NT5C1A: variants seen among roughly 807,000 people sequenced by gnomAD.
NT5C1A encodes cytosolic 5'-nucleotidase 1A.
NT5C1A carries 18 observed loss-of-function variants against 31.0 expected under a neutral mutation model. The observed-to-expected ratio is 0.58, with a 90% CI of 0.40 to 0.86. NT5C1A has a LOEUF of 0.86. Ranked by LOEUF, NT5C1A falls within the 40% of genes least tolerant of loss-of-function variation. The probability of loss-of-function intolerance (pLI) is 0.00; values close to 1 mark genes in which losing one functional copy is unlikely to be tolerated. For synonymous variants in NT5C1A, 185 were observed against 203.6 expected, an observed-to-expected ratio of 0.91 and a Z score of 0.78; for missense variants, 470 against 505.4, an observed-to-expected ratio of 0.93 and a Z score of 0.67.
chr1:39,667,607 A>C (rs531162680), intron 1 of NT5C1A, among the ~76,000 whole-genome samples: 127 of 152,300 alleles, frequency 8.3e-4, no homozygotes, highest in African/African-American at 3.0e-3. Flanking sequence ...TCCTGGGGTC[A>C]GTCCTGGGCT....
Position 39,655,669 on chromosome 1 carries a change from GAC to G in NT5C1A, c.*3450_*3451del, listed in dbSNP as rs1437971864. Among the ~76,000 whole-genome samples, 1 of 151,980 alleles carries G rather than the reference GAC, an allele frequency of 6.6e-6. No individual in the cohort carries two copies. Among genetic ancestry groups the G allele is most frequent in the Non-Finnish European group, 1.5e-5 (1 of 68,006 alleles). On this transcript the variant is annotated 3_prime_UTR_variant, in exon 6 of 6. Coordinates refer to ENST00000235628, the MANE Select transcript of NT5C1A (RefSeq NM_032526.3). ...GCCACTTACTAGCTCTATGGCTTTGGACAAGTTACTTTGCCTCCCTAAACCAG... is the reference window on the plus strand; with the variant it reads ...GCCACTTACTAGCTCTATGGCTTTGGAAGTTACTTTGCCTCCCTAAACCAG...
At chr1:39,667,514 T>A (rs541234524) in intron 1 of NT5C1A, among the ~76,000 whole-genome samples, 2 of 152,190 alleles carry the variant, frequency 1.3e-5, no homozygotes, top group South Asian at 2.1e-4. Flanking sequence ...GGGGCTCAAA[T>A]TGAGGTCAAG....
chr1:39,666,667 C>A (rs1282765354), intron 1 of NT5C1A, among the ~76,000 whole-genome samples: 1 of 152,134 alleles, frequency 6.6e-6, no homozygotes, highest in Non-Finnish European at 1.5e-5. Context: ...AATGTATCTG[C>A]AACCCAGATC....
chr1:39,663,729 G>A (rs1180271), intron 3 of NT5C1A, among the ~76,000 whole-genome samples: 2,207 of 151,888 alleles, frequency 0.015, 67 homozygotes, highest in African/African-American at 0.05. Flanking sequence ...TAGCTGATTG[G>A]ATAAGAGCAG....
chr1:39,660,467 C>G (rs886079584), intron 5 of NT5C1A, among the ~76,000 whole-genome samples: 1 of 152,130 alleles, frequency 6.6e-6, no homozygotes, highest in Non-Finnish European at 1.5e-5. Context: ...GGTCCCTGTG[C>G]CCCCAGCCAA....
At position 39,659,073 on chromosome 1, in the gene NT5C1A, A is replaced by G. The variant is rs762481397; in HGVS notation, c.*48T>C. ...GATCTACCAGAGGAGGTGTCGAAGTATGTCAGGGAGCCTGGAGCAATGTGG... is the reference window on the plus strand; with the variant it reads ...GATCTACCAGAGGAGGTGTCGAAGTGTGTCAGGGAGCCTGGAGCAATGTGG... On this transcript the variant is annotated 3_prime_UTR_variant, in exon 6 of 6. Coordinates refer to ENST00000235628, the MANE Select transcript of NT5C1A (RefSeq NM_032526.3). 1 of 1,534,120 alleles carries G rather than the reference A, an allele frequency of 6.5e-7. No homozygotes were observed. Among genetic ancestry groups the G allele is most frequent in the Non-Finnish European group, 8.8e-7 (1 of 1,141,602 alleles).
Position 39,671,886 on chromosome 1 carries a change from C to A in NT5C1A, c.135+18G>T. 2 of 1,612,832 alleles carry A rather than the reference C, an allele frequency of 1.2e-6. No homozygotes were observed. The highest frequency in any genetic ancestry group is 1.7e-6 in the Non-Finnish European group (2 of 1,179,640). On this transcript the variant is annotated intron_variant, in intron 1 of 5. Coordinates refer to ENST00000235628, the MANE Select transcript of NT5C1A (RefSeq NM_032526.3). ...TAACCCTTCCCCCGTCCCCCGCATA[C>A]CCGTGCATTGCTTTTACCGATTTGG...
chr1:39,661,022 G>A lies in NT5C1A; in HGVS notation c.741+57C>T, dbSNP rs570063827. 2.6e-4 allele frequency: 276 copies of A among 1,046,914 alleles called. 2 individuals are homozygous for A. The highest frequency in any genetic ancestry group is 3.9e-4 in the Non-Finnish European group (269 of 695,356). 64.9% of individuals were successfully genotyped at this position (1,046,914 alleles called of 1,614,324 possible). A position where few individuals can be genotyped will look rare whatever the true frequency, so the allele number is the denominator to read the frequency against. On this transcript the variant is annotated intron_variant, in intron 5 of 5. Coordinates refer to ENST00000235628, the MANE Select transcript of NT5C1A (RefSeq NM_032526.3). ...TTCCAGGCTGGGAGTGCAGGCCAAGGGCAGGTCTGGGGAGCTGCCTTGTTC... is the reference window on the plus strand; with the variant it reads ...TTCCAGGCTGGGAGTGCAGGCCAAGAGCAGGTCTGGGGAGCTGCCTTGTTC...
chr1:39,666,301 T>A, intron 1 of NT5C1A, 65 bp from the exon 2 acceptor site: 1 of 1,510,522 alleles, frequency 6.6e-7, no homozygotes, highest in Non-Finnish European at 9.1e-7. Flanking sequence ...CTCACATGTG[T>A]GAGTCTCCCT....
chr1:39,659,596 C>T (rs981151646), intron 5 of NT5C1A, 110 bp from the exon 6 acceptor site: 10 of 1,368,424 alleles, frequency 7.3e-6, no homozygotes, highest in Non-Finnish European at 9.9e-6. Flanking sequence ...TTCAGGATCC[C>T]TAAATCTTTC....
intron 3 of NT5C1A, among the ~76,000 whole-genome samples, chr1:39,665,006 A>G (rs570452653): frequency 6.6e-6 from 1 of 152,308 alleles, no homozygotes; most frequent in African/African-American, 2.4e-5. Flanking sequence ...CCTGTAACCT[A>G]ATAAAAAATT....
chr1:39,667,232 A>C (rs1570461892), intron 1 of NT5C1A, among the ~76,000 whole-genome samples: 15 of 111,250 alleles, frequency 1.3e-4, no homozygotes, highest in Middle Eastern at 6.2e-3. Context: ...ATGGAGTTTC[A>C]CTCTTGTTGC....
rs1646439138 is a variant in NT5C1A, at chr1:39,652,834, C to T, written c.*6287G>A. On this transcript the variant is annotated 3_prime_UTR_variant, in exon 6 of 6. Transcript: ENST00000235628. ...TTCCCAATTAAGGTCAATGGTAAGT[C>T]ACTTCTGGGCCACATTAGAACACTC... Among the ~76,000 whole-genome samples the T allele has an allele frequency of 6.6e-6, 1 of 151,922 alleles. No individual in the cohort carries two copies. Among genetic ancestry groups the T allele is most frequent in the South Asian group, 2.1e-4 (1 of 4,810 alleles).
chr1:39,671,359 CAG>C (rs1646550574), intron 1 of NT5C1A, among the ~76,000 whole-genome samples: 1 of 152,208 alleles, frequency 6.6e-6, no homozygotes, highest in Admixed American at 6.5e-5. Context: ...CCCCCCAGCG[CAG>C]AGTGTGGATC....
intron 4 of NT5C1A, 116 bp downstream of exon 4, chr1:39,663,196 G>T (rs942348435): frequency 1.0e-4 from 116 of 1,140,248 alleles, no homozygotes; most frequent in Admixed American, 1.1e-4. Flanking sequence ...GCTCAGCCTT[G>T]CCTTCTAGTT....
rs1195072686 is a variant in NT5C1A, at chr1:39,659,437, A to T, written c.791T>A (p.Phe264Tyr). 1.2e-6 allele frequency: 2 copies of T among 1,606,844 alleles called. No individual in the cohort carries two copies. The highest frequency in any genetic ancestry group is 2.7e-5 in the African/African-American group (2 of 74,726). Reference protein sequence around the residue: ...LEALGRLQKKFYSKGLRLECP... With the variant: ...LEALGRLQKKYYSKGLRLECP... ...CTCCAGCCGCAGGCCTTTGGAGTAGAACTTCTTCTGCAACCTACCCAGTGC... is the reference window on the plus strand; with the variant it reads ...CTCCAGCCGCAGGCCTTTGGAGTAGTACTTCTTCTGCAACCTACCCAGTGC... The change falls in exon 6 of 6, where the codon TTC (phenylalanine) becomes TAC (tyrosine). Residue 264 changes from phenylalanine (F) to tyrosine (Y), a missense_variant. Phe to Tyr is a conservative substitution (Grantham distance 22, BLOSUM62 3). Coordinates refer to ENST00000235628, the MANE Select transcript of NT5C1A (RefSeq NM_032526.3).
Position 39,663,852 on chromosome 1 carries a change from C to G in NT5C1A, c.434-418G>C, listed in dbSNP as rs149595843. 2.0e-5 allele frequency among the ~76,000 whole-genome samples: 3 copies of G among 152,290 alleles called. No homozygotes were observed. The East Asian group carries it at 5.8e-4, about 29-fold the overall frequency. Reference sequence around the variant, plus strand: ...GTTGATAAACGGCTGCTGCTCTGAGCCCATTAAGTTACCCGTCACTCTCGC... The same window carrying G: ...GTTGATAAACGGCTGCTGCTCTGAGGCCATTAAGTTACCCGTCACTCTCGC... On this transcript the variant is annotated intron_variant, in intron 3 of 5. Coordinates refer to ENST00000235628, the MANE Select transcript of NT5C1A (RefSeq NM_032526.3).
At chr1:39,671,560 G>GGCGCTTCTGGAA (rs1553485932) in intron 1 of NT5C1A, among the ~76,000 whole-genome samples, 2 of 152,196 alleles carry the variant, frequency 1.3e-5, no homozygotes, top group African/African-American at 4.8e-5. Flanking sequence ...CCGCGCCTGG[G>GGCGCTTCTGGAA]GCGCTTCTGG....
intron 4 of NT5C1A, 148 bp downstream of exon 4, chr1:39,663,164 T>G (rs1019394378): frequency 1.2e-6 from 1 of 845,206 alleles, no homozygotes; most frequent in African/African-American, 1.7e-5. Context: ...TAGGACAGAT[T>G]ATAAGAATTA....
Sources: allele counts gnomAD v4.1 joint callset (sites outside exome capture counted in the v4.1 genomes callset), GRCh38; gene constraint gnomAD v4.1.1; transcripts MANE v1.5; gene names NCBI Gene and HGNC (gene_info 2026-07-23, HGNC 2026-07-21).